Variants in NKAIN3 observed in about 807,000 individuals in gnomAD.
The protein encoded by NKAIN3 is sodium/potassium-transporting ATPase subunit beta-1-interacting protein 3.
A neutral mutation model predicts 30.2 loss-of-function variants in NKAIN3; 25 were observed. That is an observed-to-expected ratio of 0.83 (90% CI 0.60 to 1.16). NKAIN3 has a LOEUF of 1.16. NKAIN3 is among the 50% of genes most tolerant of loss of function. NKAIN3 has a pLI of 0.00. For synonymous variants in NKAIN3, 91 were observed against 89.6 expected (o/e 1.02, Z -0.09); for missense variants, 225 against 254.1 (o/e 0.89, Z 0.78).
intron 1 of NKAIN3, among the ~76,000 whole-genome samples, chr8:62,499,090 G>A (rs144424479): frequency 2.6e-5 from 4 of 152,186 alleles, no homozygotes; most frequent in Admixed American, 6.6e-5. Context: ...TACAGAGTTC[G>A]ATAGTAGTTG....
chr8:62,482,114 T>C (rs1448607584), intron 1 of NKAIN3: 1 of 152,246 alleles, frequency 6.6e-6, no homozygotes, highest in Admixed American at 6.5e-5. Context: ...TTCCTACACA[T>C]AGTCTGCCTT....
intron 1 of NKAIN3, among the ~76,000 whole-genome samples, chr8:62,502,028 G>A (rs1410737126): frequency 1.3e-5 from 2 of 152,186 alleles, no homozygotes; most frequent in Non-Finnish European, 2.9e-5. Flanking sequence ...TGCCCACCAT[G>A]TGGCAACTCA....
chr8:62,624,570 G>A (rs960261377), intron 3 of NKAIN3, among the ~76,000 whole-genome samples: 2 of 150,858 alleles, frequency 1.3e-5, no homozygotes, highest in African/African-American at 4.9e-5. Flanking sequence ...ATAACCAGTT[G>A]TAGGTTTTGT....
At chr8:62,268,593 T>C (rs189087545) in intron 1 of NKAIN3, among the ~76,000 whole-genome samples, 47 of 152,356 alleles carry the variant, frequency 3.1e-4, no homozygotes, top group African/African-American at 1.1e-3. Flanking sequence ...GCTCAAGTTT[T>C]ATGCAATACC....
At chr8:62,333,514 T>A (rs1454037006) in intron 1 of NKAIN3, among the ~76,000 whole-genome samples, 1 of 152,072 alleles carries the variant, frequency 6.6e-6, no homozygotes, top group African/African-American at 2.4e-5. Context: ...GCAGTGCCCT[T>A]ACTGGAATCT....
chr8:62,674,537 G>A (rs1376105906), intron 3 of NKAIN3, among the ~76,000 whole-genome samples: 2 of 152,200 alleles, frequency 1.3e-5, no homozygotes, highest in Non-Finnish European at 2.9e-5. Context: ...CGAGAGAATG[G>A]TATCACTGTT....
At chr8:62,517,366 ACT>A (rs150397886) in intron 1 of NKAIN3, among the ~76,000 whole-genome samples, 1,636 of 152,140 alleles carry the variant, frequency 0.011, 30 homozygotes, top group African/African-American at 0.038. Context: ...GGTATAGGTA[ACT>A]CTCTAGGGCA....
intron 1 of NKAIN3, among the ~76,000 whole-genome samples, chr8:62,259,352 G>A (rs1812359594): frequency 6.6e-6 from 1 of 152,036 alleles, no homozygotes; most frequent in South Asian, 2.1e-4. Context: ...GTCAATTTTA[G>A]GAAGACTATT....
At chr8:62,684,271 C>CAGAT (rs1813730618) in intron 3 of NKAIN3, among the ~76,000 whole-genome samples, 1 of 152,208 alleles carries the variant, frequency 6.6e-6, no homozygotes, top group African/African-American at 2.4e-5. Flanking sequence ...GGTGTCAATG[C>CAGAT]AGATGTCCAG....
intron 4 of NKAIN3, among the ~76,000 whole-genome samples, chr8:62,785,279 T>C (rs556381582): frequency 1.3e-5 from 2 of 152,276 alleles, no homozygotes; most frequent in Admixed American, 1.3e-4. Context: ...CACTGCAATG[T>C]AGATAACCCT....
intron 4 of NKAIN3, among the ~76,000 whole-genome samples, chr8:62,775,221 T>C (rs1380652719): frequency 1.3e-5 from 2 of 152,142 alleles, no homozygotes; most frequent in African/African-American, 4.8e-5. Flanking sequence ...CTAATAATCC[T>C]TTGAATTTCT....
In NKAIN3 at chr8:62,717,671, G is replaced by T. The variant is rs540812443; in HGVS notation, c.274-29261G>T. Among the ~76,000 whole-genome samples, 6 of 152,220 alleles carry T rather than the reference G, an allele frequency of 3.9e-5. No homozygotes were observed. In the South Asian group the frequency reaches 1.2e-3, roughly 32 times the overall value. ...AGTATTTAGTTTTATTATTTGTTAT[G>T]TATGTCTGTTTCAGTATGACTATAG... is the stretch of plus-strand genomic sequence containing the variant. On this transcript the variant is annotated intron_variant, in intron 3 of 6. Coordinates refer to ENST00000623646, the MANE Select transcript of NKAIN3 (RefSeq NM_001304533.3).
chr8:62,664,334 A>G (rs991368277), intron 3 of NKAIN3, among the ~76,000 whole-genome samples: 2 of 152,126 alleles, frequency 1.3e-5, no homozygotes, highest in African/African-American at 4.8e-5. Flanking sequence ...GTGCCATAAC[A>G]GGGTTTAGAC....
intron 4 of NKAIN3, among the ~76,000 whole-genome samples, chr8:62,849,294 GC>G (rs1207432380): frequency 1.1e-5 from 1 of 91,110 alleles, no homozygotes; most frequent in Non-Finnish European, 2.3e-5. Context: ...CTGGTCCTGG[GC>G]TTTTTTTTTT....
At chr8:62,874,643 G>A (rs983130111) in intron 4 of NKAIN3, among the ~76,000 whole-genome samples, 2 of 152,144 alleles carry the variant, frequency 1.3e-5, no homozygotes, top group African/African-American at 4.8e-5. Context: ...TCATCCCTGG[G>A]ATGCAAGGCT....
intron 4 of NKAIN3, among the ~76,000 whole-genome samples, chr8:62,803,904 A>G (rs1818170325): frequency 6.6e-6 from 1 of 152,184 alleles, no homozygotes; most frequent in Non-Finnish European, 1.5e-5. Context: ...AGAATCAAAT[A>G]GACGCAATAA....
At chr8:62,326,313 C>A (rs1815127037) in intron 1 of NKAIN3, among the ~76,000 whole-genome samples, 1 of 151,854 alleles carries the variant, frequency 6.6e-6, no homozygotes, top group Non-Finnish European at 1.5e-5. Flanking sequence ...GAATCTGGAC[C>A]CTTACTGTAC....
intron 3 of NKAIN3, among the ~76,000 whole-genome samples, chr8:62,719,259 T>A (rs1276938424): frequency 6.6e-6 from 1 of 152,182 alleles, no homozygotes; most frequent in Non-Finnish European, 1.5e-5. Flanking sequence ...TAGACAAATG[T>A]CACTGGGGAA....
intron 3 of NKAIN3, among the ~76,000 whole-genome samples, chr8:62,691,110 G>C (rs938166944): frequency 6.6e-6 from 1 of 152,160 alleles, no homozygotes; most frequent in Non-Finnish European, 1.5e-5. Flanking sequence ...GTTTTTCACA[G>C]TTTCAAGTAC....
Sources: allele counts gnomAD v4.1 joint callset (sites outside exome capture counted in the v4.1 genomes callset), GRCh38; gene constraint gnomAD v4.1.1; transcripts MANE v1.5; gene names NCBI Gene and HGNC (gene_info 2026-07-23, HGNC 2026-07-21).